The following SESTD1 variants were observed in gnomAD, a reference collection of about 807,000 sequenced individuals.
SESTD1 encodes SEC14 domain and spectrin repeat-containing protein 1.
A neutral mutation model predicts 101.7 loss-of-function variants in SESTD1; 43 were observed. The ratio of observed to expected loss-of-function variants is 0.42; its 90% CI spans 0.33 to 0.55. The LOEUF (loss-of-function observed/expected upper bound fraction) is 0.55. SESTD1 is among the 20% of genes least tolerant of loss of function. The pLI, the probability that SESTD1 is intolerant of heterozygous loss-of-function variation, is 0.07. For synonymous variants in SESTD1, 283 were observed against 286.8 expected (o/e 0.99, Z 0.13); for missense variants, 647 against 815.1 (o/e 0.79, Z 2.51).
rs376063704 is a variant in SESTD1, at chr2:179,241,707, G to A, written c.-26+22792C>T. 3.9e-5 allele frequency among the ~76,000 whole-genome samples: 6 copies of A among 152,212 alleles called. No individual in the cohort carries two copies. The East Asian group carries it at 1.2e-3, about 29-fold the overall frequency. Reference sequence around the variant, plus strand: ...GGAGGCCAAGGCAGGCAGATCACGAGGTCAGGAGATCGAGACCATCCTGGC... The same window carrying A: ...GGAGGCCAAGGCAGGCAGATCACGAAGTCAGGAGATCGAGACCATCCTGGC... On this transcript the variant is annotated intron_variant, in intron 1 of 17. Transcript: ENST00000428443.
rs1239453469 is a variant in SESTD1 at position 179,104,623 on chromosome 2, G to C, written c.*5276C>G. ...AAGGTGCCTCCTGGAGATTCACTGGGAACTGGCTGGAGTTCAATAGCCCTT... is the reference window on the plus strand; with the variant it reads ...AAGGTGCCTCCTGGAGATTCACTGGCAACTGGCTGGAGTTCAATAGCCCTT... On this transcript the variant is annotated 3_prime_UTR_variant, in exon 18 of 18. Transcript: ENST00000428443. The C allele has an allele frequency of 3.3e-5, 5 of 152,054 alleles. No homozygotes were observed. Among genetic ancestry groups the C allele is most frequent in the African/African-American group, 9.7e-5 (4 of 41,412 alleles). The allele number at this position is 152,054 out of a possible 1,614,324, so 9.4% of individuals were successfully genotyped here.
rs2044340207 is a variant in SESTD1 at position 179,104,572 on chromosome 2, A to G, written c.*5327T>C. 2.6e-5 allele frequency: 4 copies of G among 152,250 alleles called. No homozygotes were observed. Among genetic ancestry groups the G allele is most frequent in the Middle Eastern group, 6.8e-3 (2 of 294 alleles). The allele number at this position is 152,250 out of a possible 1,614,324, so 9.4% of individuals were successfully genotyped here. On this transcript the variant is annotated 3_prime_UTR_variant, in exon 18 of 18. Transcript: ENST00000428443. ...AGAAGCATTTGGACACCCTAAAGAC[A>G]TGGTATTCAGCTTGTGAAGACTTCT... is the stretch of plus-strand genomic sequence containing the variant.
At chr2:179,128,598 G>A (rs1295751625) in intron 10 of SESTD1, among the ~76,000 whole-genome samples, 6 of 151,896 alleles carry the variant, frequency 4.0e-5, no homozygotes, top group Admixed American at 6.6e-5. Context: ...GTGTGGTGGC[G>A]CATGCCTGTA....
At chr2:179,224,050 AATG>A (rs1361142909) in intron 1 of SESTD1, among the ~76,000 whole-genome samples, 4 of 152,208 alleles carry the variant, frequency 2.6e-5, no homozygotes, top group Non-Finnish European at 5.9e-5. Context: ...TATGGATTAA[AATG>A]ATATTATTTT....
chr2:179,127,216 G>A (rs942519745), intron 10 of SESTD1, among the ~76,000 whole-genome samples: 2 of 152,030 alleles, frequency 1.3e-5, no homozygotes, highest in Admixed American at 1.3e-4. Context: ...CCTGTGCTGG[G>A]GTGTTTCTAC....
rs902060607 is a variant in SESTD1 at position 179,204,623 on chromosome 2, C to A, written c.-25-12757G>T. Among the ~76,000 whole-genome samples, 5 of 134,634 alleles carry A rather than the reference C, an allele frequency of 3.7e-5. 1 individual carries two copies. Among genetic ancestry groups the A allele is most frequent in the Non-Finnish European group, 8.0e-5 (5 of 62,702 alleles). The allele number at this position is 134,634 out of a possible 152,430, so 88.3% of individuals were successfully genotyped here. ...CAGTCCTTGAGCTTAGCCAAAAAAACCTCTCTACTTATATTAATTTTGCCT... is the reference window on the plus strand; with the variant it reads ...CAGTCCTTGAGCTTAGCCAAAAAAAACTCTCTACTTATATTAATTTTGCCT... On this transcript the variant is annotated intron_variant, in intron 1 of 17. Coordinates refer to ENST00000428443, the MANE Select transcript of SESTD1 (RefSeq NM_178123.5).
chr2:179,136,090 T>G (rs549700069), intron 9 of SESTD1, among the ~76,000 whole-genome samples: 1 of 152,322 alleles, frequency 6.6e-6, no homozygotes, highest in African/African-American at 2.4e-5. Flanking sequence ...AAGAAAGCCC[T>G]AGCCATGATT....
chr2:179,197,782 C>A (rs919961797), intron 1 of SESTD1, among the ~76,000 whole-genome samples: 20 of 152,052 alleles, frequency 1.3e-4, no homozygotes, highest in Admixed American at 9.2e-4. Context: ...CACCACCAGG[C>A]CTGCCCTAGA....
At chr2:179,213,281 A>G (rs2046675156) in intron 1 of SESTD1, among the ~76,000 whole-genome samples, 1 of 134,876 alleles carries the variant, frequency 7.4e-6, no homozygotes, top group Non-Finnish European at 1.6e-5. Flanking sequence ...TAATTAGAAT[A>G]AACAGTATAG....
At chr2:179,202,020 G>C (rs1329540145) in intron 1 of SESTD1, among the ~76,000 whole-genome samples, 2 of 131,376 alleles carry the variant, frequency 1.5e-5, no homozygotes, top group Non-Finnish European at 3.2e-5. Context: ...GTCTGTGTAA[G>C]TCATAAGAAG....
chr2:179,200,047 C>T (rs1001535781), intron 1 of SESTD1, among the ~76,000 whole-genome samples: 23 of 152,198 alleles, frequency 1.5e-4, no homozygotes, highest in African/African-American at 4.1e-4. Context: ...GCCCAAAATC[C>T]GCTTAAGCTG....
chr2:179,117,872 A>C (rs2044668013), intron 13 of SESTD1, among the ~76,000 whole-genome samples: 1 of 152,240 alleles, frequency 6.6e-6, no homozygotes, highest in Non-Finnish European at 1.5e-5. Flanking sequence ...ATATTAAAGC[A>C]AAATGTAAGG....
At chr2:179,263,672 A>C (rs2047514408) in intron 1 of SESTD1, among the ~76,000 whole-genome samples, 1 of 152,174 alleles carries the variant, frequency 6.6e-6, no homozygotes, top group Non-Finnish European at 1.5e-5. Flanking sequence ...AGCACCAAGA[A>C]AACCACGGGG....
At chr2:179,160,003 C>T (rs979237204) in intron 5 of SESTD1, among the ~76,000 whole-genome samples, 2 of 152,074 alleles carry the variant, frequency 1.3e-5, no homozygotes, top group Admixed American at 6.6e-5. Flanking sequence ...TACAGGTGCC[C>T]ACCATCACGC....
chr2:179,143,975 T>C (rs1282922230), intron 8 of SESTD1, among the ~76,000 whole-genome samples, 172 bp from the exon 9 acceptor site: 4 of 151,388 alleles, frequency 2.6e-5, no homozygotes, highest in Admixed American at 6.6e-5. Flanking sequence ...AAACTGTACA[T>C]ATTAATATAT....
intron 16 of SESTD1, among the ~76,000 whole-genome samples, chr2:179,113,953 T>G (rs747780202): frequency 6.7e-6 from 1 of 148,742 alleles, no homozygotes; most frequent in Non-Finnish European, 1.5e-5. Context: ...AGCAGTACTG[T>G]GATTACACAG....
intron 1 of SESTD1, among the ~76,000 whole-genome samples, chr2:179,217,825 T>C (rs536784524): frequency 6.6e-6 from 1 of 152,288 alleles, no homozygotes; most frequent in African/African-American, 2.4e-5. Flanking sequence ...TTCATGTCCT[T>C]TGCAGAAACA....
At chr2:179,248,917 CAAAA>C (rs1473118625) in intron 1 of SESTD1, among the ~76,000 whole-genome samples, 1 of 102,788 alleles carries the variant, frequency 9.7e-6, no homozygotes. Context: ...CCTGTCTGTA[CAAAA>C]AAAAAAAAAG....
chr2:179,174,188 T>C (rs1286273895), intron 4 of SESTD1, among the ~76,000 whole-genome samples: 3 of 152,210 alleles, frequency 2.0e-5, no homozygotes, highest in African/African-American at 7.2e-5. Flanking sequence ...TTTTAGAGAA[T>C]ACCAGTTATA....
Sources: gnomAD v4.1 joint callset for allele counts (sites outside exome capture counted in the v4.1 genomes callset) on GRCh38, gnomAD v4.1.1 for gene constraint, MANE v1.5 for transcripts, NCBI Gene and HGNC (gene_info 2026-07-23, HGNC 2026-07-21) for gene names.